The following XPO6 variants were observed in gnomAD, a reference collection of about 807,000 sequenced individuals.
XPO6 encodes exportin-6.
In XPO6, 3 loss-of-function variants were observed where a neutral mutation model predicts 130.0. That is an observed-to-expected ratio of 0.02 (90% CI 0.01 to 0.06). The LOEUF (loss-of-function observed/expected upper bound fraction) is 0.06. XPO6 is among the 10% of genes least tolerant of loss of function. The pLI is 1.00. For synonymous variants in XPO6, 524 were observed against 548.9 expected (o/e 0.95, Z 0.63); for missense variants, 970 against 1,393.0 (o/e 0.70, Z 4.83).
Position 28,129,011 on chromosome 16 carries a change from G to A in XPO6, c.1607-3163C>T, listed in dbSNP as rs114654865. 1.1e-3 allele frequency among the ~76,000 whole-genome samples: 161 copies of A among 152,302 alleles called. 1 individual carries two copies. The highest frequency in any genetic ancestry group is 3.7e-3 in the African/African-American group (155 of 41,558). ...GACAACTATGGGTACCTAGCATCCA[G>A]TACCCAGGATGGAAAACAGCTTGGA... On this transcript the variant is annotated intron_variant, in intron 12 of 23. Transcript: ENST00000304658.
chr16:28,199,717 C>T (rs560297617), intron 1 of XPO6, among the ~76,000 whole-genome samples: 7 of 152,144 alleles, frequency 4.6e-5, no homozygotes, highest in Non-Finnish European at 1.0e-4. Flanking sequence ...CAGGCACCCA[C>T]CACCACACCT....
At chr16:28,113,157 C>A in intron 15 of XPO6, 107 bp from the exon 16 acceptor site, 1 of 1,402,828 alleles carries the variant, frequency 7.1e-7, no homozygotes. Flanking sequence ...TTCCAAATTA[C>A]ACCACCTAGG....
At chr16:28,203,435 T>C (rs1398701125) in intron 1 of XPO6, among the ~76,000 whole-genome samples, 1 of 152,162 alleles carries the variant, frequency 6.6e-6, no homozygotes, top group Non-Finnish European at 1.5e-5. Context: ...TTCCTTGGCT[T>C]AGACAGATAC....
intron 12 of XPO6, among the ~76,000 whole-genome samples, chr16:28,130,251 C>A (rs528427121): frequency 6.6e-6 from 1 of 152,378 alleles, no homozygotes; most frequent in African/African-American, 2.4e-5. Flanking sequence ...TACACGGTCA[C>A]AGCACCAGGA....
At chr16:28,149,780 G>T (rs770920603) in intron 8 of XPO6, among the ~76,000 whole-genome samples, 1 of 152,080 alleles carries the variant, frequency 6.6e-6, no homozygotes, top group Non-Finnish European at 1.5e-5. Flanking sequence ...ATTAAGGGAC[G>T]CAACACACGA....
chr16:28,115,612 C>T (rs955664449), intron 15 of XPO6, among the ~76,000 whole-genome samples: 10 of 152,194 alleles, frequency 6.6e-5, no homozygotes, highest in African/African-American at 1.4e-4. Context: ...CTAGGATTTT[C>T]AGAATGATAC....
chr16:28,191,557 G>A (rs892452860), intron 1 of XPO6, among the ~76,000 whole-genome samples: 5 of 152,186 alleles, frequency 3.3e-5, no homozygotes, highest in African/African-American at 4.8e-5. Flanking sequence ...CCAGAGCACA[G>A]CAAGTCCAAT....
intron 5 of XPO6, chr16:28,167,309 C>G (rs1274526134): frequency 1.0e-6 from 1 of 985,332 alleles, no homozygotes; most frequent in East Asian, 1.1e-4. Flanking sequence ...CCCCACAAAC[C>G]TGCCACCAAT....
At position 28,106,472 on chromosome 16, in the gene XPO6, G is replaced by T; in HGVS notation, c.2523C>A (p.Phe841Leu). The T allele has an allele frequency of 6.2e-7, 1 of 1,614,204 alleles. No homozygotes were observed. Among genetic ancestry groups the T allele is most frequent in the South Asian group, 1.1e-5 (1 of 91,092 alleles). Residue 841 changes from phenylalanine to leucine, a missense_variant, in exon 19 of 24, where the codon TTC becomes TTA. Physicochemically the swap from Phe to Leu is conservative, Grantham distance 22. This residue lies in a region of XPO6 where 936 missense variants were observed against 1,306.8 expected (regional missense o/e 0.72). Transcript: ENST00000304658. The surrounding 1 kb of genome is among the most constrained non-coding windows in gnomAD (Gnocchi z 4.2). ...QSDVTDEMLS[F>L]FLTLFRGLRV... The stretch of plus-strand genomic sequence containing the variant: ...TAAGGCCTCGAAACAGAGTGAGGAA[G>T]AAGCTCAGCATCTCATCAGTCACAT...
intron 1 of XPO6, among the ~76,000 whole-genome samples, chr16:28,197,504 T>C (rs2043883789): frequency 6.6e-6 from 1 of 152,122 alleles, no homozygotes; most frequent in Admixed American, 6.6e-5. Flanking sequence ...TTTAACCTAT[T>C]AAATTAGCGA....
chr16:28,180,171 C>T (rs2043592740), intron 2 of XPO6, among the ~76,000 whole-genome samples: 1 of 152,106 alleles, frequency 6.6e-6, no homozygotes, highest in Non-Finnish European at 1.5e-5. Flanking sequence ...CAAGACCCAC[C>T]TGGCTAATAC....
At chr16:28,103,589 C>T (rs778667437) in intron 21 of XPO6, among the ~76,000 whole-genome samples, 1 of 152,240 alleles carries the variant, frequency 6.6e-6, no homozygotes, top group Non-Finnish European at 1.5e-5. Flanking sequence ...AAGTGCCTTT[C>T]ACCAGCCCTC....
chr16:28,205,573 T>C (rs544276612), intron 1 of XPO6, among the ~76,000 whole-genome samples: 1 of 152,164 alleles, frequency 6.6e-6, no homozygotes, highest in East Asian at 1.9e-4. Context: ...TCTCTTGTAT[T>C]TTCAGAGTAT....
chr16:28,161,143 T>C (rs917781108), intron 6 of XPO6, among the ~76,000 whole-genome samples: 1 of 152,244 alleles, frequency 6.6e-6, no homozygotes, highest in African/African-American at 2.4e-5. Context: ...TAAAGTCTGA[T>C]GAATAGTCAT....
chr16:28,178,195 A>C (rs1268912013), intron 2 of XPO6, among the ~76,000 whole-genome samples: 1 of 152,192 alleles, frequency 6.6e-6, no homozygotes, highest in Non-Finnish European at 1.5e-5. Context: ...AACACACAGC[A>C]GCTTCTTCTA....
At chr16:28,170,778 G>C (rs1446049908) in intron 4 of XPO6, among the ~76,000 whole-genome samples, 1 of 152,164 alleles carries the variant, frequency 6.6e-6, no homozygotes, top group Admixed American at 6.5e-5. Flanking sequence ...TTAAGTTGCT[G>C]TTTCTATCAC....
chr16:28,209,427 G>T (rs1430862684), intron 1 of XPO6, among the ~76,000 whole-genome samples: 1 of 151,756 alleles, frequency 6.6e-6, no homozygotes, highest in East Asian at 1.9e-4. Flanking sequence ...ATCACCTGAG[G>T]TCAGGAATTC....
intron 9 of XPO6, among the ~76,000 whole-genome samples, chr16:28,144,782 A>G (rs1278026342): frequency 6.6e-6 from 1 of 152,194 alleles, no homozygotes; most frequent in Non-Finnish European, 1.5e-5. Flanking sequence ...CGTTATTTCA[A>G]TTAATGTCTC....
chr16:28,156,277 G>T lies in XPO6; in HGVS notation c.894C>A (p.Asn298Lys). ...KMASVNGSSQ[N>K]CVSGQERGRL... ...GGCCGCGCTCCTGACCCGAGACACA[G>T]TTCTGGCTGCTGCCGTTAACTGACG... The change falls in exon 7 of 24, where the codon AAC becomes AAA. Residue 298 changes from asparagine (N) to lysine (K), a missense_variant. This residue lies in a region of XPO6 where 936 missense variants were observed against 1,306.8 expected (regional missense o/e 0.72). Transcript: ENST00000304658. The T allele has an allele frequency of 6.2e-7, 1 of 1,614,174 alleles. No individual in the cohort carries two copies. The highest frequency in any genetic ancestry group is 8.5e-7 in the Non-Finnish European group (1 of 1,180,034).
Sources: allele counts gnomAD v4.1 joint callset (sites outside exome capture counted in the v4.1 genomes callset), GRCh38; gene constraint gnomAD v4.1.1; regional missense constraint gnomAD v4.1.1; non-coding constraint Gnocchi (gnomAD v3.1); transcripts MANE v1.5; gene names NCBI Gene and HGNC (gene_info 2026-07-23, HGNC 2026-07-21).